The following SLC5A12 variants were observed in gnomAD, a reference collection of about 807,000 sequenced individuals.
The protein encoded by SLC5A12 is sodium-coupled monocarboxylate transporter 2.
In SLC5A12, 46 loss-of-function variants were observed where a neutral mutation model predicts 72.7. The ratio of observed to expected loss-of-function variants is 0.63; its 90% CI spans 0.50 to 0.81. The LOEUF is 0.81. Ranked by LOEUF, SLC5A12 falls within the 30% of genes least tolerant of loss-of-function variation. SLC5A12 has a pLI of 0.00. For missense variants in SLC5A12, 683 were observed against 740.7 expected (o/e 0.92, Z 0.90); for synonymous variants, 275 against 264.4 (o/e 1.04, Z -0.39).
At chr11:26,690,645 C>CAA (rs1854645510) in intron 9 of SLC5A12, among the ~76,000 whole-genome samples, 1 of 82,536 alleles carries the variant, frequency 1.2e-5, no homozygotes, top group Admixed American at 1.4e-4. Flanking sequence ...ACCACCTCTA[C>CAA]TAAAAAAAAA....
intron 9 of SLC5A12, among the ~76,000 whole-genome samples, chr11:26,687,218 A>G (rs1035811003): frequency 4.6e-5 from 7 of 152,286 alleles, no homozygotes; most frequent in Admixed American, 1.3e-4. Flanking sequence ...CTTCTTCTAA[A>G]CCATCTTTTA....
At chr11:26,693,958 A>G (rs907885555) in intron 8 of SLC5A12, among the ~76,000 whole-genome samples, 10 of 152,136 alleles carry the variant, frequency 6.6e-5, no homozygotes, top group African/African-American at 2.4e-4. Flanking sequence ...GATTAAATAA[A>G]AGGACTTTTT....
intron 4 of SLC5A12, 42 bp downstream of exon 4, chr11:26,709,270 T>G (rs1227545011): frequency 7.0e-7 from 1 of 1,430,964 alleles, no homozygotes; most frequent in Non-Finnish European, 9.7e-7. Flanking sequence ...TATCCCATAT[T>G]AGGAGGTAGT....
intron 14 of SLC5A12, 44 bp from the exon 15 acceptor site, chr11:26,671,295 G>T: frequency 6.6e-7 from 1 of 1,513,202 alleles, no homozygotes. Flanking sequence ...TATCCTTGAT[G>T]TACTCCAAAT....
intron 4 of SLC5A12, among the ~76,000 whole-genome samples, chr11:26,705,695 C>T (rs114415856): frequency 2.4e-3 from 363 of 152,186 alleles, no homozygotes; most frequent in African/African-American, 8.3e-3. Context: ...TCCATTAAGC[C>T]TTCAAAACCC....
intron 9 of SLC5A12, among the ~76,000 whole-genome samples, chr11:26,687,189 C>A (rs1854557814): frequency 6.6e-6 from 1 of 152,154 alleles, no homozygotes; most frequent in African/African-American, 2.4e-5. Context: ...TGTATTTTGT[C>A]ATCTTTTAAA....
chr11:26,698,628 G>A, intron 6 of SLC5A12, 93 bp from the exon 7 acceptor site: 2 of 1,213,436 alleles, frequency 1.6e-6, no homozygotes, highest in Non-Finnish European at 2.2e-6. Context: ...AGGGTTTTGG[G>A]TCTTTTTGCT....
intron 9 of SLC5A12, among the ~76,000 whole-genome samples, chr11:26,690,789 T>C (rs7925563): frequency 0.2 from 30,549 of 149,542 alleles, 3,616 homozygotes; most frequent in African/African-American, 0.33. Flanking sequence ...AGTGAAACTC[T>C]GTCTCAAAAA....
At chr11:26,681,663 C>T (rs1428310672) in intron 11 of SLC5A12, among the ~76,000 whole-genome samples, 1 of 152,136 alleles carries the variant, frequency 6.6e-6, no homozygotes, top group Non-Finnish European at 1.5e-5. Flanking sequence ...AGTCCCCTGA[C>T]TCCCTAGTTC....
At chr11:26,702,642 G>A (rs1399704876) in intron 6 of SLC5A12, among the ~76,000 whole-genome samples, 1 of 152,100 alleles carries the variant, frequency 6.6e-6, no homozygotes, top group Non-Finnish European at 1.5e-5. Flanking sequence ...GAAAATGCAT[G>A]AGGCTTGTGC....
At position 26,669,217 on chromosome 11, in the gene SLC5A12, T is replaced by TC. The variant is rs1854081687; in HGVS notation, c.*1884_*1885insG. The TC allele has an allele frequency of 3.7e-5, 3 of 81,622 alleles. No individual in the cohort carries two copies. The highest frequency in any genetic ancestry group is 1.1e-4 in the Admixed American group (1 of 8,856). 5.1% of individuals were successfully genotyped at this position (81,622 alleles called of 1,614,324 possible). On this transcript the variant is annotated 3_prime_UTR_variant, in exon 15 of 15. Transcript: ENST00000396005. ...TTTCTTTCTTTCTTTCTTTCTTTCT[T>TC]TCTCTCTCTCCCTCCCTCTTTCTTT... is the stretch of plus-strand genomic sequence containing the variant.
At position 26,681,226 on chromosome 11, in the gene SLC5A12, A is replaced by G. The variant is rs1854405596; in HGVS notation, c.1309-5T>C. On this transcript the variant is annotated splice_region_variant and splice_polypyrimidine_tract_variant and intron_variant, in intron 11 of 14. Transcript: ENST00000396005. ...AAGAAGACCTCCTAGTGCACCCTGG[A>G]TGAAGAAGAAAAAGGTTAATGGGAA... 6.4e-7 allele frequency: 1 copy of G among 1,566,728 alleles called. No homozygotes were observed. The highest frequency in any genetic ancestry group is 8.6e-7 in the Non-Finnish European group (1 of 1,158,420).
At chr11:26,684,113 G>A (rs1169814319) in intron 10 of SLC5A12, among the ~76,000 whole-genome samples, 1 of 151,960 alleles carries the variant, frequency 6.6e-6, no homozygotes, top group African/African-American at 2.4e-5. Context: ...GAAACTCATT[G>A]AACTTCAGAG....
Position 26,709,319 on chromosome 11 carries a change from C to T in SLC5A12, c.518G>A (p.Cys173Tyr). 1 of 1,610,454 alleles carries T rather than the reference C, an allele frequency of 6.2e-7. No homozygotes were observed. The highest frequency in any genetic ancestry group is 8.5e-7 in the Non-Finnish European group (1 of 1,177,772). ...FATGIVCTFYCTLGGLKAVVW... is the reference protein window; with the variant it reads ...FATGIVCTFYYTLGGLKAVVW... ...TCACAGCTAGATACATACCAGGGTA[C>T]AGTAGAATGTGCAAACAATTCCTGT... The change falls in exon 4 of 15, where the codon TGT becomes TAT. Residue 173 changes from cysteine (C) to tyrosine (Y), a missense_variant. Physicochemically the swap from Cys to Tyr is radical, Grantham distance 194 (BLOSUM62 -2). Coordinates refer to ENST00000396005, the MANE Select transcript of SLC5A12 (RefSeq NM_178498.4).
intron 4 of SLC5A12, among the ~76,000 whole-genome samples, chr11:26,707,193 T>G (rs1394777396): frequency 6.6e-6 from 1 of 152,032 alleles, no homozygotes. Context: ...TGTTGCTAAG[T>G]GTCCCTCTTT....
intron 11 of SLC5A12, among the ~76,000 whole-genome samples, chr11:26,681,607 TATACAGAA>T (rs1351479147): frequency 1.3e-5 from 2 of 152,178 alleles, no homozygotes; most frequent in Non-Finnish European, 2.9e-5. Context: ...TGACAGCTTT[TATACAGAA>T]ATTATTACTC....
intron 12 of SLC5A12, among the ~76,000 whole-genome samples, chr11:26,680,328 C>CATATATATGTATATATATGT (rs1565185633): frequency 1.3e-5 from 1 of 75,028 alleles, no homozygotes; most frequent in Non-Finnish European, 2.6e-5. Context: ...TATATATATT[C>CATATATATGTATATATATGT]ATATATATAT....
chr11:26,681,381 T>A (rs1854409327), intron 11 of SLC5A12, among the ~76,000 whole-genome samples, 160 bp from the exon 12 acceptor site: 1 of 152,126 alleles, frequency 6.6e-6, no homozygotes, highest in African/African-American at 2.4e-5. Context: ...TCACCTCAAC[T>A]CCCATAATGC....
In SLC5A12 at chr11:26,668,078, ATAAAC is replaced by A. The variant is rs1162542914; in HGVS notation, c.*3019_*3023del. On this transcript the variant is annotated 3_prime_UTR_variant, in exon 15 of 15. Transcript: ENST00000396005. The stretch of plus-strand genomic sequence containing the variant: ...AATTTTTACTCCTATTAATTGGTGA[ATAAAC>A]TAAGATTTTAAAATATTGCCCAAAA... 6.6e-6 allele frequency: 1 copy of A among 151,996 alleles called. No homozygotes were observed. Among genetic ancestry groups the A allele is most frequent in the Non-Finnish European group, 1.5e-5 (1 of 67,972 alleles). The allele number at this position is 151,996 out of a possible 1,614,324, so 9.4% of individuals were successfully genotyped here.
Sources: gnomAD v4.1 joint callset for allele counts (sites outside exome capture counted in the v4.1 genomes callset) on GRCh38, gnomAD v4.1.1 for gene constraint, MANE v1.5 for transcripts, NCBI Gene and HGNC (gene_info 2026-07-23, HGNC 2026-07-21) for gene names.